The following DAB1 variants were observed in gnomAD, a reference collection of about 807,000 sequenced individuals.
DAB1 encodes disabled homolog 1.
DAB1 carries 15 observed loss-of-function variants against 64.6 expected under a neutral mutation model. The observed-to-expected ratio is 0.23, with a 90% CI of 0.16 to 0.36. The LOEUF (loss-of-function observed/expected upper bound fraction) is 0.36. DAB1 is among the 10% of genes least tolerant of loss of function. The probability of loss-of-function intolerance (pLI) is 1.00; values close to 1 mark genes in which losing one functional copy is unlikely to be tolerated. For synonymous variants in DAB1, 235 were observed against 251.9 expected, an observed-to-expected ratio of 0.93 and a Z score of 0.64; for missense variants, 596 against 706.7, an observed-to-expected ratio of 0.84 and a Z score of 1.78.
At chr1:57,946,609 C>T (rs1017178411) in intron 5 of DAB1, among the ~76,000 whole-genome samples, 10 of 152,228 alleles carry the variant, frequency 6.6e-5, no homozygotes, top group African/African-American at 1.7e-4. Context: ...AGAGGGGATG[C>T]GGTCTGATAT....
intron 7 of DAB1, among the ~76,000 whole-genome samples, chr1:57,486,743 G>A (rs1400234824): frequency 6.6e-6 from 1 of 152,032 alleles, no homozygotes; most frequent in African/African-American, 2.4e-5. Flanking sequence ...ATAAGAAAAG[G>A]AGATGCAGAG....
chr1:57,901,885 T>C (rs557724188), intron 5 of DAB1, among the ~76,000 whole-genome samples: 2 of 152,250 alleles, frequency 1.3e-5, no homozygotes, highest in African/African-American at 4.8e-5. Flanking sequence ...CTGTGTACTC[T>C]GAACTTGGTC....
intron 3 of DAB1, among the ~76,000 whole-genome samples, chr1:58,348,974 A>G (rs1644026321): frequency 6.6e-6 from 1 of 152,200 alleles, no homozygotes; most frequent in Admixed American, 6.5e-5. Context: ...TTCATGAAAA[A>G]GGTGAGCTCA....
chr1:57,060,761 C>G (rs1484641816), intron 9 of DAB1, among the ~76,000 whole-genome samples: 2 of 151,642 alleles, frequency 1.3e-5, no homozygotes, highest in Admixed American at 1.3e-4. Context: ...AGGGCTGGAC[C>G]AGAAGGAGGT....
At chr1:58,182,638 CT>C (rs771943890) in intron 4 of DAB1, among the ~76,000 whole-genome samples, 4 of 151,478 alleles carry the variant, frequency 2.6e-5, no homozygotes, top group African/African-American at 7.3e-5. Flanking sequence ...CCATTTGGTT[CT>C]TTTTTTTGGT....
intron 6 of DAB1, among the ~76,000 whole-genome samples, chr1:57,717,941 A>AGG (rs386367050): frequency 6.6e-6 from 1 of 151,740 alleles, no homozygotes; most frequent in African/African-American, 2.4e-5. Context: ...ATAGAAGTAG[A>AGG]GTAGAATAGT....
intron 6 of DAB1, among the ~76,000 whole-genome samples, chr1:57,746,877 T>G (rs1648298667): frequency 6.6e-6 from 1 of 151,938 alleles, no homozygotes; most frequent in Non-Finnish European, 1.5e-5. Flanking sequence ...ATTTTTTTTT[T>G]GTCTTTTACG....
intron 6 of DAB1, among the ~76,000 whole-genome samples, chr1:57,777,164 T>TA (rs1170216198): frequency 5.5e-4 from 82 of 148,928 alleles, no homozygotes; most frequent in Non-Finnish European, 6.6e-4. Context: ...TTTTTTGGAT[T>TA]AAAAAAAATC....
At chr1:57,054,319 C>T (rs1395327915) in intron 9 of DAB1, among the ~76,000 whole-genome samples, 3 of 152,074 alleles carry the variant, frequency 2.0e-5, no homozygotes, top group Non-Finnish European at 2.9e-5. Flanking sequence ...GAAATAGGCA[C>T]TTGAGTGGCC....
At chr1:57,772,911 G>C (rs1483727014) in intron 6 of DAB1, among the ~76,000 whole-genome samples, 1 of 152,058 alleles carries the variant, frequency 6.6e-6, no homozygotes, top group Non-Finnish European at 1.5e-5. Context: ...CATAAACCGA[G>C]TGACTGGTGT....
intron 6 of DAB1, among the ~76,000 whole-genome samples, chr1:57,721,749 G>C (rs148259715): frequency 1.6e-3 from 241 of 152,302 alleles, no homozygotes; most frequent in African/African-American, 5.7e-3. Flanking sequence ...GAGTATACTA[G>C]AGAGTGGCTC....
intron 5 of DAB1, among the ~76,000 whole-genome samples, chr1:58,053,963 A>G (rs1647882724): frequency 6.6e-6 from 1 of 152,184 alleles, no homozygotes; most frequent in Non-Finnish European, 1.5e-5. Context: ...CCTGCTAGTT[A>G]TTTTCACTTG....
intron 5 of DAB1, among the ~76,000 whole-genome samples, chr1:57,924,651 T>C (rs143663375): frequency 0.013 from 1,815 of 137,668 alleles, 49 homozygotes; most frequent in African/African-American, 0.046. Flanking sequence ...TTTTTTTTAG[T>C]AGAGATGGGG....
intron 3 of DAB1, among the ~76,000 whole-genome samples, chr1:58,383,923 A>G (rs1361929836): frequency 6.6e-6 from 1 of 152,152 alleles, no homozygotes; most frequent in Non-Finnish European, 1.5e-5. Context: ...ATCATATGGT[A>G]GTTCTATTTT....
chr1:57,405,096 C>A (rs1342487934), intron 1 of DAB1, among the ~76,000 whole-genome samples: 1 of 152,130 alleles, frequency 6.6e-6, no homozygotes, highest in Admixed American at 6.5e-5. Flanking sequence ...CCTAAAACTA[C>A]GCATTTGACT....
chr1:57,327,566 C>T (rs974300070), intron 1 of DAB1, among the ~76,000 whole-genome samples: 6 of 152,112 alleles, frequency 3.9e-5, no homozygotes, highest in Non-Finnish European at 1.5e-5. Context: ...ATGGTTAGCT[C>T]TGCCATGGTA....
chr1:57,310,648 A>C (rs1420677711), intron 1 of DAB1, among the ~76,000 whole-genome samples: 4 of 152,102 alleles, frequency 2.6e-5, no homozygotes, highest in Admixed American at 1.3e-4. Context: ...CCTCATTTGT[A>C]AAAGAAAAAA....
intron 2 of DAB1, among the ~76,000 whole-genome samples, chr1:57,194,823 G>A (rs936800211): frequency 6.6e-6 from 1 of 152,160 alleles, no homozygotes; most frequent in African/African-American, 2.4e-5. Flanking sequence ...ACTCAGGAAA[G>A]CATGAAACAC....
chr1:58,306,843 A>T (rs1400210903), intron 4 of DAB1, among the ~76,000 whole-genome samples: 2 of 151,772 alleles, frequency 1.3e-5, no homozygotes, highest in African/African-American at 4.8e-5. Flanking sequence ...TTTTTTACAT[A>T]CTCCTCCCTT....
Sources: gnomAD v4.1 joint callset for allele counts (sites outside exome capture counted in the v4.1 genomes callset) on GRCh38, gnomAD v4.1.1 for gene constraint, MANE v1.5 for transcripts, NCBI Gene and HGNC (gene_info 2026-07-23, HGNC 2026-07-21) for gene names.